The following RAB37 variants were observed in gnomAD, a reference collection of about 807,000 sequenced individuals.
RAB37 encodes RAB37, member RAS oncogene family.
RAB37 carries 29 observed loss-of-function variants against 33.1 expected under a neutral mutation model. The ratio of observed to expected loss-of-function variants is 0.88; its 90% confidence interval spans 0.65 to 1.20. The LOEUF (loss-of-function observed/expected upper bound fraction) is 1.20, where lower values mean the gene tolerates loss of function less well. RAB37 is among the 50% of genes most tolerant of loss of function. The pLI is 0.00. For synonymous variants in RAB37, 128 were observed against 119.5 expected (o/e 1.07, Z -0.47); for missense variants, 299 against 301.1 (o/e 0.99, Z 0.05).
chr17:74,722,781 CTTTG>C (rs2034258719), intron 1 of RAB37, among the ~76,000 whole-genome samples: 1 of 152,196 alleles, frequency 6.6e-6, no homozygotes, highest in Non-Finnish European at 1.5e-5. Flanking sequence ...TCTCATTCGA[CTTTG>C]TTTGTGGAAT....
chr17:74,732,753 G>A (rs2034407351), upstream of RAB37, among the ~76,000 whole-genome samples: 1 of 152,022 alleles, frequency 6.6e-6, no homozygotes, highest in Admixed American at 6.5e-5. Flanking sequence ...GTGTGATGAG[G>A]TGTGTGGTGT....
chr17:74,733,490 G>GGTGTA (rs2034421249), upstream of RAB37, among the ~76,000 whole-genome samples: 1 of 152,190 alleles, frequency 6.6e-6, no homozygotes. Flanking sequence ...TGAGGTGTGT[G>GGTGTA]GTGTGATTTG....
chr17:74,743,364 C>T (rs1402421269), intron 5 of RAB37, 24 bp downstream of exon 5: 5 of 1,612,388 alleles, frequency 3.1e-6, no homozygotes, highest in Non-Finnish European at 4.2e-6. Flanking sequence ...TCCCCTGACT[C>T]CCACCCATAA....
At chr17:74,680,015 T>A (rs2031921469) in intron 1 of RAB37, among the ~76,000 whole-genome samples, 1 of 149,474 alleles carries the variant, frequency 6.7e-6, no homozygotes, top group African/African-American at 2.5e-5. Context: ...AAGAAAAAAC[T>A]GACTTGCTCA....
chr17:74,720,644 C>T (rs111842602), intron 1 of RAB37, among the ~76,000 whole-genome samples: 119 of 152,244 alleles, frequency 7.8e-4, no homozygotes, highest in Admixed American at 2.0e-3. Flanking sequence ...CAGTTGCCAT[C>T]CACAGATGGC....
At chr17:74,737,204 C>T, upstream of RAB37, 2 of 330,956 alleles carry the variant, frequency 6.0e-6, no homozygotes, top group South Asian at 5.4e-5. Flanking sequence ...GTGGGCGGGG[C>T]GGGGGTGGGG....
chr17:74,702,056 A>T (rs1028757998), intron 1 of RAB37, among the ~76,000 whole-genome samples: 5 of 145,396 alleles, frequency 3.4e-5, no homozygotes, highest in African/African-American at 7.9e-5. Flanking sequence ...AGTTTAATTT[A>T]AAAAAAAAAC....
chr17:74,739,938 C>T (rs946695861), intron 1 of RAB37, among the ~76,000 whole-genome samples: 5 of 151,598 alleles, frequency 3.3e-5, no homozygotes, highest in Non-Finnish European at 7.4e-5. Flanking sequence ...GGGCGGATCA[C>T]CTGAGGTCGG....
chr17:74,733,339 G>C (rs1173185348), upstream of RAB37, among the ~76,000 whole-genome samples: 1 of 152,026 alleles, frequency 6.6e-6, no homozygotes, highest in African/African-American at 2.4e-5. Flanking sequence ...ATAATGTAGG[G>C]TGTGAGGCAT....
chr17:74,700,939 A>G (rs2032997252), intron 1 of RAB37, among the ~76,000 whole-genome samples: 1 of 97,564 alleles, frequency 1.0e-5, no homozygotes, highest in Admixed American at 9.0e-5. Context: ...CTAATCCATT[A>G]TGACTGGTGT....
intron 1 of RAB37, chr17:74,672,975 C>G (rs892616088): frequency 1.3e-5 from 2 of 152,212 alleles, no homozygotes; most frequent in African/African-American, 4.8e-5. Flanking sequence ...CTCCAGGTCT[C>G]TGAATTCCTA....
chr17:74,678,395 G>A (rs575821058), intron 1 of RAB37, among the ~76,000 whole-genome samples: 12 of 152,242 alleles, frequency 7.9e-5, no homozygotes, highest in Admixed American at 2.0e-4. Flanking sequence ...AACTTGAGAC[G>A]TGCAGGGCTC....
In RAB37 at chr17:74,744,330, A is replaced by T. The variant is rs1241391747; in HGVS notation, c.389A>T (p.Glu130Val). 6.2e-7 allele frequency: 1 copy of T among 1,613,852 alleles called. No individual in the cohort carries two copies. The highest frequency in any genetic ancestry group is 8.5e-7 in the Non-Finnish European group (1 of 1,179,944). ...NIRAWLTEIH[E>V]YAQRDVVIML... ...CAGGCCTGGCTCACTGAGATTCATG[A>T]GTATGCCCAGAGGGACGTGGTGATC... Residue 130 changes from glutamate (E) to valine (V), a missense_variant, in exon 6 of 9, where the codon GAG (glutamate) becomes GTG (valine). Physicochemically the swap from Glu to Val is moderately radical, Grantham distance 121. Coordinates refer to ENST00000392613, the MANE Select transcript of RAB37 (RefSeq NM_001006638.3). This position sits in a 1 kb window ranked among gnomAD's most constrained non-coding sequence, Gnocchi z 4.2.
chr17:74,675,769 C>A (rs1295262924), intron 1 of RAB37, among the ~76,000 whole-genome samples: 1 of 152,154 alleles, frequency 6.6e-6, no homozygotes, highest in Non-Finnish European at 1.5e-5. Context: ...TCATGATAGG[C>A]ATTGTGTAGC....
chr17:74,702,645 C>T (rs1403681351), intron 1 of RAB37, among the ~76,000 whole-genome samples: 2 of 152,172 alleles, frequency 1.3e-5, no homozygotes, highest in Non-Finnish European at 2.9e-5. Flanking sequence ...GGCTCCATGA[C>T]CCCACGCCCA....
chr17:74,709,755 G>T (rs76259162), intron 1 of RAB37, among the ~76,000 whole-genome samples: 1 of 150,998 alleles, frequency 6.6e-6, no homozygotes, highest in Non-Finnish European at 1.5e-5. Context: ...TTTTTTTTTG[G>T]AGAGACAAGG....
Position 74,698,590 on chromosome 17 carries a change from G to A in RAB37, c.72+26932G>A, listed in dbSNP as rs753609609. 3.3e-6 allele frequency: 5 copies of A among 1,512,406 alleles called. No individual in the cohort carries two copies. In the South Asian group the frequency reaches 5.1e-5, roughly 15 times the overall value. The allele number at this position is 1,512,406 out of a possible 1,614,324, so 93.7% of individuals were successfully genotyped here. On this transcript the variant is annotated intron_variant, in intron 1 of 7. Coordinates refer to the RAB37 transcript ENST00000340415. ...GGGCCACACACCTGATGAGCTGCAG[G>A]TCTGTAGTTTGCAGCCTGGGAACCC...
In RAB37 at chr17:74,707,482, C is replaced by T. The variant is rs968659589; in HGVS notation, c.73-21774C>T. ...GTAATTCCAGCACTTTGGGAGGCCA[C>T]ATTGGGTGGATCATCTGAAGTCAGG... On this transcript the variant is annotated intron_variant, in intron 1 of 7. Coordinates refer to the RAB37 transcript ENST00000340415. Among the ~76,000 whole-genome samples, 3 of 152,146 alleles carry T rather than the reference C, an allele frequency of 2.0e-5. No homozygotes were observed. In the East Asian group the frequency reaches 5.8e-4, roughly 29 times the overall value.
In RAB37 at chr17:74,729,337, T is replaced by C. The variant is rs1487030873; in HGVS notation, c.154T>C (p.Phe52Leu). 5 of 1,614,080 alleles carry C rather than the reference T, an allele frequency of 3.1e-6. No homozygotes were observed. The South Asian group carries it at 5.5e-5, about 18-fold the overall frequency. Residue 52 changes from phenylalanine to leucine, a missense_variant, in exon 2 of 8, where the codon TTC (phenylalanine) becomes CTC (leucine). By Grantham distance (22) the Phe-to-Leu change is conservative. Transcript: ENST00000340415. The surrounding 1 kb of genome is among the most constrained non-coding windows in gnomAD (Gnocchi z 4.2). ...TCAGGGCAAGTTCATCCCCGGCTCCTTCTCGGCCACTGTGGGCATCGGATT... is the reference window on the plus strand; with the variant it reads ...TCAGGGCAAGTTCATCCCCGGCTCCCTCTCGGCCACTGTGGGCATCGGATT...
Sources: gnomAD v4.1 joint callset for allele counts (sites outside exome capture counted in the v4.1 genomes callset) on GRCh38, gnomAD v4.1.1 for gene constraint, Gnocchi (gnomAD v3.1) non-coding constraint, MANE v1.5 for transcripts, NCBI Gene and HGNC (gene_info 2026-07-23, HGNC 2026-07-21) for gene names.